NOP58: variants seen among roughly 807,000 people sequenced by gnomAD.
NOP58 encodes NOP58 ribonucleoprotein.
In NOP58, 44 loss-of-function variants were observed where a neutral mutation model predicts 71.2. That is an observed-to-expected ratio of 0.62 (90% CI 0.49 to 0.79). NOP58 has a LOEUF of 0.79. Ranked by LOEUF, NOP58 falls within the 30% of genes least tolerant of loss-of-function variation. The probability of loss-of-function intolerance (pLI) is 0.00; values close to 1 mark genes in which losing one functional copy is unlikely to be tolerated. For missense variants in NOP58, 538 were observed against 620.2 expected (o/e 0.87, Z 1.41); for synonymous variants, 228 against 200.3 (o/e 1.14, Z -1.17).
intron 6 of NOP58, among the ~76,000 whole-genome samples, chr2:202,289,724 C>G (rs1259806601): frequency 6.6e-6 from 1 of 152,006 alleles, no homozygotes; most frequent in Non-Finnish European, 1.5e-5. Context: ...CATGATTCTG[C>G]TTATATGAAG....
intron 1 of NOP58, among the ~76,000 whole-genome samples, chr2:202,271,440 G>T (rs940117702): frequency 3.3e-5 from 5 of 151,628 alleles, no homozygotes; most frequent in African/African-American, 7.3e-5. Context: ...GGCAGCATGT[G>T]CCTGTAATCC....
rs1553573752 is a variant in NOP58 at position 202,296,717 on chromosome 2, T to TTTG, written c.1072-660_1072-659insGTT. On this transcript the variant is annotated intron_variant, in intron 10 of 14. Coordinates refer to ENST00000264279, the MANE Select transcript of NOP58 (RefSeq NM_015934.5). ...AGATTGAAAAAGAACCCACGCTTTT[T>TTTG]TTTGTTTGTTTGTTTGTTTGTTTGT... Among the ~76,000 whole-genome samples the TTTG allele has an allele frequency of 2.5e-3, 368 of 149,190 alleles. 2 individuals carry two copies. Among genetic ancestry groups the TTTG allele is most frequent in the Non-Finnish European group, 3.8e-3 (257 of 67,262 alleles).
rs869075798 is a variant in NOP58, at chr2:202,291,968, C to CTTTTTTT, written c.780+728_780+734dup. 9.1e-4 allele frequency among the ~76,000 whole-genome samples: 40 copies of CTTTTTTT among 43,960 alleles called. 15 individuals carry two copies. Among genetic ancestry groups the CTTTTTTT allele is most frequent in the South Asian group, 1.7e-3 (2 of 1,200 alleles). The allele number at this position is 43,960 out of a possible 152,430, so 28.8% of individuals were successfully genotyped here. ...GATACAAATGTTTATTGCTCAGAATCTTTTTTTTTTTTTTTTTTTTTTTTT... is the reference window on the plus strand; with the variant it reads ...GATACAAATGTTTATTGCTCAGAATCTTTTTTTTTTTTTTTTTTTTTTTTTTTTTTTT... On this transcript the variant is annotated intron_variant, in intron 8 of 14. Coordinates refer to ENST00000264279, the MANE Select transcript of NOP58 (RefSeq NM_015934.5).
At chr2:202,273,103 C>T (rs1052910569) in intron 1 of NOP58, among the ~76,000 whole-genome samples, 36 of 151,736 alleles carry the variant, frequency 2.4e-4, no homozygotes, top group Admixed American at 2.4e-3. Flanking sequence ...CCAGCCTGGG[C>T]GACAGAGCGA....
At position 202,303,489 on chromosome 2, in the gene NOP58, A is replaced by C; in HGVS notation, c.*53A>C. 6.4e-7 allele frequency: 1 copy of C among 1,571,430 alleles called. No homozygotes were observed. Among genetic ancestry groups the C allele is most frequent in the Admixed American group, 1.9e-5 (1 of 52,486 alleles). On this transcript the variant is annotated 3_prime_UTR_variant, in exon 15 of 15. Coordinates refer to ENST00000264279, the MANE Select transcript of NOP58 (RefSeq NM_015934.5). The stretch of plus-strand genomic sequence containing the variant: ...GGACACACATCATGCTTAAGATTCA[A>C]CTGGGAGCATACCAGGGATGCTCTC...
At position 202,284,419 on chromosome 2, in the gene NOP58, T is replaced by C. The variant is rs749473315; in HGVS notation, c.372T>C (p.Asp124=). 49 of 1,613,898 alleles carry C rather than the reference T, an allele frequency of 3.0e-5. No homozygotes were observed. The highest frequency in any genetic ancestry group is 4.1e-5 in the Non-Finnish European group (48 of 1,179,916). ...ELMRGIRSQM[D]GLIPGVEPRE... ...TGAGAGGAATTCGTTCACAAATGGA[T>C]GGATTAATCCCTGGGGTAGAACCAC... Residue 124 remains aspartate (D), a synonymous_variant, in exon 5 of 15, where the codon GAT becomes GAC. Coordinates refer to ENST00000264279, the MANE Select transcript of NOP58 (RefSeq NM_015934.5).
At chr2:202,294,004 G>A (rs1244171392) in intron 9 of NOP58, among the ~76,000 whole-genome samples, 1 of 151,944 alleles carries the variant, frequency 6.6e-6, no homozygotes, top group East Asian at 1.9e-4. Context: ...GTAAGCAATG[G>A]CAGGGGTTAA....
At chr2:202,269,068 C>G (rs1688472092) in intron 1 of NOP58, among the ~76,000 whole-genome samples, 1 of 152,132 alleles carries the variant, frequency 6.6e-6, no homozygotes. Context: ...TGGCTCATTG[C>G]AGCCTTGGCC....
chr2:202,266,052 CTT>C, intron 1 of NOP58, 66 bp downstream of exon 1: 2 of 1,570,612 alleles, frequency 1.3e-6, no homozygotes, highest in Non-Finnish European at 1.8e-6. Flanking sequence ...GAGGGAAAGA[CTT>C]AAGCACGGAA....
intron 1 of NOP58, among the ~76,000 whole-genome samples, chr2:202,273,382 T>A (rs1308846457): frequency 6.6e-6 from 1 of 152,216 alleles, no homozygotes; most frequent in Non-Finnish European, 1.5e-5. Flanking sequence ...GTATTACATT[T>A]GTCTCAAAGT....
chr2:202,297,860 G>C lies in NOP58; in HGVS notation c.1222G>C (p.Gly408Arg), dbSNP rs1490126140. Residue 408 changes from glycine to arginine, a missense_variant, in exon 12 of 15, where the codon GGA becomes CGA. Gly to Arg is a moderately radical substitution (Grantham distance 125, BLOSUM62 -2). Transcript: ENST00000264279. ...TTCTTCTTAGATAAGAAAAATAAGT[G>C]GAACAGGAAAAGCATTAGCAAAAAC... ...LEDRGIRKIS[G>R]TGKALAKTEK... The C allele has an allele frequency of 3.2e-6, 5 of 1,577,670 alleles. No individual in the cohort carries two copies. Among genetic ancestry groups the C allele is most frequent in the Non-Finnish European group, 4.3e-6 (5 of 1,160,224 alleles).
At chr2:202,302,143 A>T (rs1286157701) in intron 13 of NOP58, among the ~76,000 whole-genome samples, 1 of 128,432 alleles carries the variant, frequency 7.8e-6, no homozygotes, top group Non-Finnish European at 1.5e-5. Flanking sequence ...GCTGAAGTGC[A>T]GTGGCGTGAT....
intron 12 of NOP58, among the ~76,000 whole-genome samples, chr2:202,298,442 G>C (rs1304460714): frequency 2.0e-5 from 3 of 152,284 alleles, no homozygotes; most frequent in East Asian, 3.9e-4. Flanking sequence ...CCTGAGGTCA[G>C]GAGTTCAACA....
At chr2:202,287,046 T>G (rs1441316075) in intron 5 of NOP58, among the ~76,000 whole-genome samples, 2 of 151,388 alleles carry the variant, frequency 1.3e-5, no homozygotes, top group East Asian at 3.9e-4. Flanking sequence ...CTATTAAAAA[T>G]TGCATGAACC....
rs759101615 is a variant in NOP58 at position 202,302,930 on chromosome 2, A to AGGAAGAAGAAAAAGTGGC, written c.1413_1430dup (p.Lys475_Glu480dup). 5.0e-6 allele frequency: 8 copies of AGGAAGAAGAAAAAGTGGC among 1,603,546 alleles called. No individual in the cohort carries two copies. The highest frequency in any genetic ancestry group is 4.0e-5 in the African/African-American group (3 of 74,822). On this transcript the variant is annotated inframe_insertion, in exon 14 of 15. Transcript: ENST00000264279. Reference sequence around the variant, plus strand: ...CACTTACCCTATTCAGTTGAAGAAGAGGAAGAAGAAAAAGTGGCAGAAGAA... The same window carrying AGGAAGAAGAAAAAGTGGC: ...CACTTACCCTATTCAGTTGAAGAAGAGGAAGAAGAAAAAGTGGCGGAAGAAGAAAAAGTGGCAGAAGAA...
At chr2:202,297,013 G>A (rs1343969578) in intron 10 of NOP58, among the ~76,000 whole-genome samples, 11 of 152,172 alleles carry the variant, frequency 7.2e-5, no homozygotes, top group African/African-American at 2.4e-4. Context: ...GATTACAGGC[G>A]TGAGCCACCG....
chr2:202,271,979 A>G (rs1476389891), intron 1 of NOP58, among the ~76,000 whole-genome samples: 2 of 152,150 alleles, frequency 1.3e-5, no homozygotes, highest in African/African-American at 4.8e-5. Flanking sequence ...TTAAAACTAT[A>G]CTTTGCTAAT....
intron 2 of NOP58, among the ~76,000 whole-genome samples, chr2:202,276,176 TA>T (rs1688585856): frequency 6.6e-6 from 1 of 151,472 alleles, no homozygotes; most frequent in Non-Finnish European, 1.5e-5. Flanking sequence ...CCCTCTCTCC[TA>T]AAAACACAAA....
chr2:202,293,808 C>G (rs1688944616), intron 9 of NOP58, among the ~76,000 whole-genome samples: 1 of 151,950 alleles, frequency 6.6e-6, no homozygotes, highest in Non-Finnish European at 1.5e-5. Context: ...CTCCTGACCT[C>G]AGGTGATCTG....
Sources: allele counts gnomAD v4.1 joint callset (sites outside exome capture counted in the v4.1 genomes callset), GRCh38; gene constraint gnomAD v4.1.1; transcripts MANE v1.5; gene names NCBI Gene and HGNC (gene_info 2026-07-23, HGNC 2026-07-21).